SPOCK2: variants seen among roughly 807,000 people sequenced by gnomAD.
SPOCK2 encodes the protein testican-2.
Under a neutral mutation model 60.1 loss-of-function variants are expected in SPOCK2, and 39 were observed. The observed-to-expected ratio is 0.65, with a 90% CI of 0.50 to 0.85. SPOCK2 has a LOEUF of 0.85. Among genes scored for constraint, SPOCK2 ranks in the 40% least tolerant of loss-of-function variants. The probability of loss-of-function intolerance (pLI) is 0.00; values close to 1 mark genes in which losing one functional copy is unlikely to be tolerated. For synonymous variants in SPOCK2, 217 were observed against 231.5 expected, an observed-to-expected ratio of 0.94 and a Z score of 0.57; for missense variants, 523 against 567.4, an observed-to-expected ratio of 0.92 and a Z score of 0.80.
chr10:72,088,249 T>G lies in SPOCK2; in HGVS notation c.80A>C (p.Lys27Thr), dbSNP rs781474647. 3 of 1,610,670 alleles carry G rather than the reference T, an allele frequency of 1.9e-6. No homozygotes were observed. The highest frequency in any genetic ancestry group is 2.5e-6 in the Non-Finnish European group (3 of 1,179,358). ...AAAALAEGDA[K>T]GLKEGETPGN... is the part of the protein sequence containing the mutation. ...GGGGGTCTCGCCCTCCTTGAGCCCC[T>G]TGGCGTCGCCTTCGGCCAGGGCTGC... The change falls in exon 1 of 11, where the codon AAG becomes ACG. Residue 27 changes from lysine (K) to threonine (T), a missense_variant. Coordinates refer to ENST00000373109, the MANE Select transcript of SPOCK2 (RefSeq NM_001244950.2).
chr10:72,072,712 C>T, intron 2 of SPOCK2, 164 bp from the exon 3 acceptor site: 3 of 1,331,542 alleles, frequency 2.3e-6, no homozygotes, highest in South Asian at 1.3e-5. Context: ...GCTGCCTCCC[C>T]CACACCTCTA....
At position 72,088,409 on chromosome 10, in the gene SPOCK2, C is replaced by T; in HGVS notation, c.-81G>A. On this transcript the variant is annotated 5_prime_UTR_variant, in exon 1 of 11. Coordinates refer to ENST00000373109, the MANE Select transcript of SPOCK2 (RefSeq NM_001244950.2). ...TCCTCCCACCCCGCTGCTGGCGAAGCGCACGCGGCTGTCCTCAGCTCTCCT... is the reference window on the plus strand; with the variant it reads ...TCCTCCCACCCCGCTGCTGGCGAAGTGCACGCGGCTGTCCTCAGCTCTCCT... 1 of 1,421,470 alleles carries T rather than the reference C, an allele frequency of 7.0e-7. No individual in the cohort carries two copies. Among genetic ancestry groups the T allele is most frequent in the South Asian group, 1.5e-5 (1 of 67,332 alleles). The allele number at this position is 1,421,470 out of a possible 1,614,324, so 88.1% of individuals were successfully genotyped here.
At chr10:72,072,778 G>T in intron 2 of SPOCK2, 124 bp downstream of exon 2, 1 of 1,452,882 alleles carries the variant, frequency 6.9e-7, no homozygotes, top group Non-Finnish European at 9.5e-7. Flanking sequence ...GCTCCTGATT[G>T]CTCCCATGCC....
intron 1 of SPOCK2, among the ~76,000 whole-genome samples, chr10:72,073,189 T>A (rs550335946): frequency 1.3e-5 from 2 of 152,220 alleles, no homozygotes; most frequent in African/African-American, 4.8e-5. Flanking sequence ...CCGTTCCCAG[T>A]CCAGCCCCAG....
In SPOCK2 at chr10:72,062,439, A is replaced by G. The variant is rs1589115936; in HGVS notation, c.*321T>C. On this transcript the variant is annotated 3_prime_UTR_variant, in exon 11 of 11. Transcript: ENST00000373109. The surrounding 1 kb of genome is among the most constrained non-coding windows in gnomAD (Gnocchi z 4.3). ...GTGAATGTATTTTAAAACCAACAAC[A>G]AAAGGAAAGAAAACAGCTACAAGGA... 2.7e-6 allele frequency: 1 copy of G among 376,888 alleles called. No homozygotes were observed. Among genetic ancestry groups the G allele is most frequent in the African/African-American group, 2.1e-5 (1 of 47,568 alleles). 23.3% of individuals were successfully genotyped at this position (376,888 alleles called of 1,614,324 possible). A position where few individuals can be genotyped will look rare whatever the true frequency, so the allele number is the denominator to read the frequency against.
intron 1 of SPOCK2, among the ~76,000 whole-genome samples, chr10:72,082,397 G>A (rs1287149141): frequency 1.3e-5 from 2 of 152,250 alleles, no homozygotes; most frequent in Admixed American, 6.5e-5. Context: ...GCAAGGAGAC[G>A]CGCAGAGACG....
chr10:72,065,485 T>C (rs1042258652), intron 8 of SPOCK2, among the ~76,000 whole-genome samples: 3 of 152,230 alleles, frequency 2.0e-5, no homozygotes, highest in Non-Finnish European at 4.4e-5. Flanking sequence ...GTGTAAGTAC[T>C]CCTATGATGC....
intron 1 of SPOCK2, among the ~76,000 whole-genome samples, chr10:72,080,576 C>A (rs1485987908): frequency 6.6e-6 from 1 of 152,074 alleles, no homozygotes; most frequent in African/African-American, 2.4e-5. Flanking sequence ...TGGGAGAGGG[C>A]ACCTGGGGAG....
chr10:72,078,009 A>G (rs1047009388), intron 1 of SPOCK2, among the ~76,000 whole-genome samples: 6 of 152,140 alleles, frequency 3.9e-5, no homozygotes, highest in African/African-American at 1.4e-4. Context: ...TCTCTTTGAA[A>G]CTGAATATAC....
chr10:72,077,731 G>A (rs534479559), intron 1 of SPOCK2, among the ~76,000 whole-genome samples: 13 of 152,260 alleles, frequency 8.5e-5, no homozygotes, highest in East Asian at 5.8e-4. Context: ...GGAGCAGGCC[G>A]GCCCTGGGAG....
At chr10:72,069,855 C>T (rs957020430) in intron 5 of SPOCK2, among the ~76,000 whole-genome samples, 2 of 152,178 alleles carry the variant, frequency 1.3e-5, no homozygotes, top group African/African-American at 4.8e-5. Flanking sequence ...TTCCTTCTTC[C>T]ATCACCTTCT....
chr10:72,088,682 C>G (rs927722720), upstream of SPOCK2: 1 of 191,356 alleles, frequency 5.2e-6, no homozygotes, highest in African/African-American at 2.3e-5. Context: ...TCGATGAGAG[C>G]GCCAAACGCC....
In SPOCK2 at chr10:72,062,789, C is replaced by T. The variant is rs949411001; in HGVS notation, c.1246G>A (p.Glu416Lys). The change falls in exon 11 of 11, where the codon GAG becomes AAG. Residue 416 changes from glutamate (E) to lysine (K), a missense_variant. By Grantham distance (56) the Glu-to-Lys change is moderately conservative. Transcript: ENST00000373109. The surrounding 1 kb of genome is among the most constrained non-coding windows in gnomAD (Gnocchi z 4.3). ...EAEEEEGEAG[E>K]ADDGGYIW ...CAGATGTAGCCCCCGTCGTCAGCCT[C>T]GCCTGCCTCGCCCTCCTCCTCCTCG... The T allele has an allele frequency of 4.4e-6, 7 of 1,608,520 alleles. No homozygotes were observed. The highest frequency in any genetic ancestry group is 1.3e-5 in the African/African-American group (1 of 74,856).
chr10:72,078,438 T>G (rs1480183956), intron 1 of SPOCK2, among the ~76,000 whole-genome samples: 3 of 151,648 alleles, frequency 2.0e-5, no homozygotes, highest in South Asian at 2.1e-4. Context: ...GTGAACCCGG[T>G]AGGCAGAGCT....
intron 8 of SPOCK2, among the ~76,000 whole-genome samples, chr10:72,066,305 A>G (rs984429341): frequency 1.3e-5 from 2 of 151,102 alleles, no homozygotes; most frequent in Non-Finnish European, 2.9e-5. Flanking sequence ...GGGGCCCCAG[A>G]AAGTTTACAT....
At chr10:72,064,285 T>TG (rs1159021402) in intron 8 of SPOCK2, 45 bp from the exon 9 acceptor site, 2 of 1,523,266 alleles carry the variant, frequency 1.3e-6, no homozygotes, top group Admixed American at 4.2e-5. Context: ...CCCCTGGTGC[T>TG]GGGGGGATGC....
chr10:72,063,165 G>A lies in SPOCK2; in HGVS notation c.992-3C>T. 6.4e-7 allele frequency: 1 copy of A among 1,555,988 alleles called. No individual in the cohort carries two copies. Among genetic ancestry groups the A allele is most frequent in the South Asian group, 1.2e-5 (1 of 84,272 alleles). ...GTCGCAGCTCGGGATGAAGATGCCT[G>A]AATGAGACAGTGCCAGGCAGGGTCA... On this transcript the variant is annotated splice_region_variant and splice_polypyrimidine_tract_variant and intron_variant, in intron 9 of 10. Transcript: ENST00000373109.
rs1840869215 is a variant in SPOCK2, at chr10:72,087,117, G to A, written c.189+1023C>T. On this transcript the variant is annotated intron_variant, in intron 1 of 10. Transcript: ENST00000373109. The surrounding 1 kb of genome is among the most constrained non-coding windows in gnomAD (Gnocchi z 4.7). Reference sequence around the variant, plus strand: ...GGCGCATCCGGGCCCATCCCCCACAGCACCCCCAACGATCTCGGGGTCCAG... The same window carrying A: ...GGCGCATCCGGGCCCATCCCCCACAACACCCCCAACGATCTCGGGGTCCAG... 3 of 1,050,710 alleles carry A rather than the reference G, an allele frequency of 2.9e-6. No individual in the cohort carries two copies. The highest frequency in any genetic ancestry group is 3.1e-4 in the Middle Eastern group (1 of 3,186). The allele number at this position is 1,050,710 out of a possible 1,614,324, so 65.1% of individuals were successfully genotyped here. A position where few individuals can be genotyped will look rare whatever the true frequency, so the allele number is the denominator to read the frequency against.
At chr10:72,083,505 C>T (rs969691937) in intron 1 of SPOCK2, among the ~76,000 whole-genome samples, 9 of 152,250 alleles carry the variant, frequency 5.9e-5, no homozygotes, top group Non-Finnish European at 1.3e-4. Context: ...TAGGACAGAG[C>T]TCTTCTGTGC....
Sources: gnomAD v4.1 joint callset for allele counts (sites outside exome capture counted in the v4.1 genomes callset) on GRCh38, gnomAD v4.1.1 for gene constraint, Gnocchi (gnomAD v3.1) non-coding constraint, MANE v1.5 for transcripts, NCBI Gene and HGNC (gene_info 2026-07-23, HGNC 2026-07-21) for gene names.